SEMA3G: variants seen among roughly 807,000 people sequenced by gnomAD.
SEMA3G encodes semaphorin-3G.
SEMA3G carries 70 observed loss-of-function variants against 86.2 expected under a neutral mutation model. The ratio of observed to expected loss-of-function variants is 0.81; its 90% confidence interval spans 0.67 to 0.99. SEMA3G has a LOEUF of 0.99. Ranked by LOEUF, SEMA3G falls within the 50% of genes least tolerant of loss-of-function variation. The pLI, the probability that SEMA3G is intolerant of heterozygous loss-of-function variation, is 0.00. For synonymous variants in SEMA3G, 416 were observed against 441.4 expected, an observed-to-expected ratio of 0.94 and a Z score of 0.72; for missense variants, 1,002 against 1,072.4, an observed-to-expected ratio of 0.93 and a Z score of 0.92.
At chr3:52,436,802 C>A (rs1706056380) in intron 15 of SEMA3G, among the ~76,000 whole-genome samples, 1 of 152,200 alleles carries the variant, frequency 6.6e-6, no homozygotes, top group Non-Finnish European at 1.5e-5. Flanking sequence ...TCTTGTTGCT[C>A]CCCTCCTCCC....
rs1290470343 is a variant in SEMA3G at position 52,440,051 on chromosome 3, G to T, written c.1191C>A (p.Thr397=). ...TAQPGRPFGS[T]KDYPDEVLQF... ...GCAGCACCTCATCTGGGTAGTCCTT[G>T]GTGCTGCCAAAAGGCCGTCCTGGCT... The change falls in exon 11 of 16, where the codon ACC becomes ACA. Residue 397 remains threonine (T), a synonymous_variant. Transcript: ENST00000231721. 1 of 1,600,122 alleles carries T rather than the reference G, an allele frequency of 6.2e-7. No individual in the cohort carries two copies.
intron 15 of SEMA3G, among the ~76,000 whole-genome samples, chr3:52,436,614 C>T (rs1488316383): frequency 7.2e-5 from 11 of 152,254 alleles, no homozygotes; most frequent in Admixed American, 5.9e-4. Flanking sequence ...ATTCCCCCAA[C>T]GGTGCGAGCT....
In SEMA3G at chr3:52,435,500, A is replaced by G. The variant is rs1706028204; in HGVS notation, c.*103T>C. On this transcript the variant is annotated 3_prime_UTR_variant, in exon 16 of 16. Transcript: ENST00000231721. ...CAGAGACACCTGTCTCTAAGAGGCA[A>G]ACAGACATCCTGACCCCTCTGCCCT... The G allele has an allele frequency of 1.7e-6, 2 of 1,143,516 alleles. No individual in the cohort carries two copies. Among genetic ancestry groups the G allele is most frequent in the Admixed American group, 2.2e-5 (1 of 45,382 alleles). 70.8% of individuals were successfully genotyped at this position (1,143,516 alleles called of 1,614,324 possible).
chr3:52,444,707 C>T (rs371644261), intron 1 of SEMA3G, among the ~76,000 whole-genome samples: 2 of 15,398 alleles, frequency 1.3e-4, no homozygotes, highest in East Asian at 2.2e-3. Flanking sequence ...CACACAAACT[C>T]GGCACACGCA....
rs755573122 is a variant in SEMA3G, at chr3:52,438,954, G to A, written c.1475C>T (p.Thr492Ile). Reference protein sequence around the residue: ...LEELQVFKVPTPITEMEISVK... With the variant: ...LEELQVFKVPIPITEMEISVK... Reference sequence around the variant, plus strand: ...AGAGATCTCCATTTCGGTGATAGGTGTTGGCACCTGGGGAAGGAGAAGGGT... The same window carrying A: ...AGAGATCTCCATTTCGGTGATAGGTATTGGCACCTGGGGAAGGAGAAGGGT... The change falls in exon 13 of 16, where the codon ACA (threonine) becomes ATA (isoleucine). Residue 492 changes from threonine to isoleucine, a missense_variant. By Grantham distance (89) the Thr-to-Ile change is moderately conservative. Coordinates refer to ENST00000231721, the MANE Select transcript of SEMA3G (RefSeq NM_020163.3). The A allele has an allele frequency of 3.2e-5, 51 of 1,613,446 alleles. No individual in the cohort carries two copies. The highest frequency in any genetic ancestry group is 4.2e-5 in the Non-Finnish European group (49 of 1,179,676).
At position 52,441,016 on chromosome 3, in the gene SEMA3G, G is replaced by A. The variant is rs752036689; in HGVS notation, c.846C>T (p.Asn282=). The change falls in exon 8 of 16, where the codon AAC becomes AAT. Residue 282 remains asparagine, a synonymous_variant. Coordinates refer to ENST00000231721, the MANE Select transcript of SEMA3G (RefSeq NM_020163.3). Reference sequence around the variant, plus strand: ...TGGCCTTGAGGAAAGTGCTCCATTTGTTCACCAGCACCCGCTGGCCCCCAG... The same window carrying A: ...TGGCCTTGAGGAAAGTGCTCCATTTATTCACCAGCACCCGCTGGCCCCCAG... ...NDAGGQRVLV[N]KWSTFLKARL... is the part of the protein sequence containing the mutation. The A allele has an allele frequency of 2.3e-5, 37 of 1,603,094 alleles. No individual in the cohort carries two copies. The South Asian group carries it at 3.3e-4, about 14-fold the overall frequency.
chr3:52,440,272 G>A (rs762629932), intron 10 of SEMA3G, 105 bp downstream of exon 10: 11 of 767,360 alleles, frequency 1.4e-5, no homozygotes, highest in Non-Finnish European at 1.8e-5. Context: ...CTTGGCCAAC[G>A]TCCGCTGCCG....
At position 52,440,761 on chromosome 3, in the gene SEMA3G, T is replaced by G; in HGVS notation, c.991A>C (p.Thr331Pro). 6.2e-7 allele frequency: 1 copy of G among 1,612,938 alleles called. No individual in the cohort carries two copies. Among genetic ancestry groups the G allele is most frequent in the Non-Finnish European group, 8.5e-7 (1 of 1,179,890 alleles). The change falls in exon 9 of 16, where the codon ACC (threonine) becomes CCC (proline). Residue 331 changes from threonine (T) to proline (P), a missense_variant. By Grantham distance (38) the Thr-to-Pro change is conservative. Coordinates refer to ENST00000231721, the MANE Select transcript of SEMA3G (RefSeq NM_020163.3). Reference sequence around the variant, plus strand: ...GGTGCTGGGTGTGCCCACCTGACGGTGCTGAACAGCGCGTACACCTCGAGG... The same window carrying G: ...GGTGCTGGGTGTGCCCACCTGACGGGGCTGAACAGCGCGTACACCTCGAGG... ...KSLEVYALFS[T>P]VSAVFQGFAV...
intron 13 of SEMA3G, 116 bp downstream of exon 13, chr3:52,438,804 A>G: frequency 6.5e-7 from 1 of 1,527,510 alleles, no homozygotes; most frequent in South Asian, 1.3e-5. Flanking sequence ...CTGCCTCAGC[A>G]CAGCTTTCCC....
chr3:52,435,465 G>A lies in SEMA3G; in HGVS notation c.*138C>T, dbSNP rs555497941. ...AGCCCCTCCATTAGACCCCAGTAGC[G>A]GTGTGGGGGCAGAGACACCTGTCTC... On this transcript the variant is annotated 3_prime_UTR_variant, in exon 16 of 16. Coordinates refer to ENST00000231721, the MANE Select transcript of SEMA3G (RefSeq NM_020163.3). 7 of 784,550 alleles carry A rather than the reference G, an allele frequency of 8.9e-6. No homozygotes were observed. Among genetic ancestry groups the A allele is most frequent in the East Asian group, 2.6e-5 (1 of 38,708 alleles). The allele number at this position is 784,550 out of a possible 1,614,324, so 48.6% of individuals were successfully genotyped here.
chr3:52,442,352 C>T lies in SEMA3G; in HGVS notation c.340-48G>A. ...GTTGAGGGGTGAGAGGGGGTGCCCA[C>T]CATCTCCTTGGGGCCCAAGGCTCAG... On this transcript the variant is annotated intron_variant, in intron 3 of 15. Transcript: ENST00000231721. This position sits in a 1 kb window ranked among gnomAD's most constrained non-coding sequence, Gnocchi z 6.1. 1.3e-6 allele frequency: 2 copies of T among 1,597,684 alleles called. No homozygotes were observed. The highest frequency in any genetic ancestry group is 1.1e-5 in the South Asian group (1 of 89,854).
At chr3:52,438,232 G>T (rs193285897) in intron 13 of SEMA3G, 33 bp from the exon 14 acceptor site, 1 of 1,575,314 alleles carries the variant, frequency 6.3e-7, no homozygotes, top group East Asian at 2.3e-5. Context: ...CCTGAGGTGA[G>T]CCCAGGCTTC....
chr3:52,441,952 A>G (rs1706167668), intron 4 of SEMA3G, 43 bp from the exon 5 acceptor site: 1 of 1,455,506 alleles, frequency 6.9e-7, no homozygotes, highest in Non-Finnish European at 9.4e-7. Context: ...CACCTGGGAG[A>G]GAAGCACCAG....
chr3:52,443,939 G>A (rs562755578), intron 1 of SEMA3G, among the ~76,000 whole-genome samples: 3 of 152,318 alleles, frequency 2.0e-5, no homozygotes, highest in East Asian at 3.9e-4. Flanking sequence ...GGGCCCATCC[G>A]TGGAGGCCTG....
rs778759231 is a variant in SEMA3G, at chr3:52,442,277, G to A, written c.367C>T (p.Leu123=). 1.2e-6 allele frequency: 2 copies of A among 1,613,966 alleles called. No homozygotes were observed. Among genetic ancestry groups the A allele is most frequent in the South Asian group, 2.2e-5 (2 of 91,078 alleles). Residue 123 remains leucine (L), a synonymous_variant, in exon 4 of 16, where the codon CTA becomes TTA. Transcript: ENST00000231721. The surrounding 1 kb of genome is among the most constrained non-coding windows in gnomAD (Gnocchi z 6.1). ...AGGTGGGTCCGGTTGTGAGGCTGTA[G>A]CACCCGCACGAAGTTGGCGCACTCT... ...LTECANFVRV[L]QPHNRTHLLA...
At position 52,442,286 on chromosome 3, in the gene SEMA3G, C is replaced by A. The variant is rs200952645; in HGVS notation, c.358G>T (p.Val120Leu). Residue 120 changes from valine (V) to leucine (L), a missense_variant, in exon 4 of 16, where the codon GTG (valine) becomes TTG (leucine). Transcript: ENST00000231721. This position sits in a 1 kb window ranked among gnomAD's most constrained non-coding sequence, Gnocchi z 6.1. Reference sequence around the variant, plus strand: ...CGGTTGTGAGGCTGTAGCACCCGCACGAAGTTGGCGCACTCTGTCTGCGGG... The same window carrying A: ...CGGTTGTGAGGCTGTAGCACCCGCAAGAAGTTGGCGCACTCTGTCTGCGGG... ...RDPLTECANF[V>L]RVLQPHNRTH... 1.9e-6 allele frequency: 3 copies of A among 1,613,352 alleles called. No homozygotes were observed. Among genetic ancestry groups the A allele is most frequent in the Non-Finnish European group, 2.5e-6 (3 of 1,179,886 alleles).
chr3:52,441,931 G>T (rs1578258912), intron 4 of SEMA3G, 22 bp from the exon 5 acceptor site: 15 of 1,525,714 alleles, frequency 9.8e-6, no homozygotes, highest in Non-Finnish European at 1.2e-5. Flanking sequence ...GAGAGAGGGA[G>T]GGAGGGGCGT....
chr3:52,444,142 C>T (rs1163735317), intron 1 of SEMA3G, among the ~76,000 whole-genome samples: 1 of 152,184 alleles, frequency 6.6e-6, no homozygotes, highest in African/African-American at 2.4e-5. Flanking sequence ...TAGCATGCTG[C>T]CTGCTCTCCC....
In SEMA3G at chr3:52,441,633, A is replaced by C; in HGVS notation, c.608T>G (p.Phe203Cys). The change falls in exon 6 of 16, where the codon TTC (phenylalanine) becomes TGC (cysteine). Residue 203 changes from phenylalanine (F) to cysteine (C), a missense_variant. By Grantham distance (205) the Phe-to-Cys change is radical. Transcript: ENST00000231721. Reference sequence around the variant, plus strand: ...AGCTGGCCGAGGACCTCCACTTCGGAAGATCATGGCCTCTCGCCCCAGGAA... The same window carrying C: ...AGCTGGCCGAGGACCTCCACTTCGGCAGATCATGGCCTCTCGCCCCAGGAA... ...ADFLGREAMIFRSGGPRPALR... is the reference protein window; with the variant it reads ...ADFLGREAMICRSGGPRPALR... 6.2e-7 allele frequency: 1 copy of C among 1,613,768 alleles called. No homozygotes were observed. The highest frequency in any genetic ancestry group is 8.5e-7 in the Non-Finnish European group (1 of 1,180,002).
Sources: allele counts gnomAD v4.1 joint callset (sites outside exome capture counted in the v4.1 genomes callset), GRCh38; gene constraint gnomAD v4.1.1; non-coding constraint Gnocchi (gnomAD v3.1); transcripts MANE v1.5; gene names NCBI Gene and HGNC (gene_info 2026-07-23, HGNC 2026-07-21).